Variants in WWTR1 observed in about 807,000 individuals in gnomAD.
WWTR1 encodes the protein WW domain containing transcription regulator 1.
WWTR1 carries 13 observed loss-of-function variants against 40.1 expected under a neutral mutation model. The ratio of observed to expected loss-of-function variants is 0.32; its 90% CI spans 0.21 to 0.52. The LOEUF is 0.52. Among genes scored for constraint, WWTR1 ranks in the 20% least tolerant of loss-of-function variants. WWTR1 has a pLI of 0.97. For synonymous variants in WWTR1, 230 were observed against 210.1 expected (o/e 1.09, Z -0.82); for missense variants, 436 against 523.1 (o/e 0.83, Z 1.63).
chr3:149,651,265 C>G (rs1712847051), intron 2 of WWTR1, among the ~76,000 whole-genome samples: 1 of 152,134 alleles, frequency 6.6e-6, no homozygotes, highest in Non-Finnish European at 1.5e-5. Context: ...GAAAAACTTA[C>G]CTCCTACAAA....
In WWTR1 at chr3:149,614,720, C is replaced by T. The variant is rs147517627; in HGVS notation, c.432-41720G>A. On this transcript the variant is annotated intron_variant, in intron 2 of 6. Coordinates refer to ENST00000360632, the MANE Select transcript of WWTR1 (RefSeq NM_015472.6). ...AGCTTAGGGTGAGCATGGTGGCTCA[C>T]GCCTGTAATCCCAGTACTTTGGGAA... Among the ~76,000 whole-genome samples, 240 of 152,268 alleles carry T rather than the reference C, an allele frequency of 1.6e-3. 1 individual carries two copies. Among genetic ancestry groups the T allele is most frequent in the African/African-American group, 5.0e-3 (206 of 41,552 alleles).
intron 2 of WWTR1, among the ~76,000 whole-genome samples, chr3:149,643,094 A>G (rs1448043283): frequency 6.6e-6 from 1 of 152,232 alleles, no homozygotes; most frequent in Non-Finnish European, 1.5e-5. Context: ...AGCCAAACTC[A>G]AACCAGTTTG....
At chr3:149,526,895 A>T (rs1032252770) in intron 5 of WWTR1, among the ~76,000 whole-genome samples, 3 of 152,234 alleles carry the variant, frequency 2.0e-5, no homozygotes, top group African/African-American at 7.2e-5. Context: ...TCATGAAGAT[A>T]TTTCTGGCTA....
chr3:149,630,350 G>C (rs1215873453), intron 2 of WWTR1, among the ~76,000 whole-genome samples: 1 of 152,134 alleles, frequency 6.6e-6, no homozygotes, highest in African/African-American at 2.4e-5. Context: ...GCAATGAATA[G>C]GTAGGGATGA....
intron 3 of WWTR1, among the ~76,000 whole-genome samples, 166 bp from the exon 4 acceptor site, chr3:149,542,703 T>G (rs1736171815): frequency 6.6e-6 from 1 of 152,212 alleles, no homozygotes; most frequent in African/African-American, 2.4e-5. Flanking sequence ...TTAATTCAAT[T>G]CACGGAGGCT....
intron 2 of WWTR1, among the ~76,000 whole-genome samples, chr3:149,668,621 A>ACAG (rs1713939394): frequency 3.3e-5 from 5 of 151,944 alleles, no homozygotes; most frequent in African/African-American, 1.2e-4. Context: ...AAAAACAACA[A>ACAG]AAAACTGAGT....
intron 2 of WWTR1, among the ~76,000 whole-genome samples, chr3:149,580,077 G>T (rs1032137059): frequency 5.9e-5 from 9 of 152,212 alleles, no homozygotes; most frequent in African/African-American, 2.2e-4. Flanking sequence ...ACTGGAATTA[G>T]AATACAAGTA....
At chr3:149,604,699 A>G (rs1005439016) in intron 2 of WWTR1, among the ~76,000 whole-genome samples, 1 of 152,196 alleles carries the variant, frequency 6.6e-6, no homozygotes, top group African/African-American at 2.4e-5. Flanking sequence ...AGGCCAGCCC[A>G]AGGCTGCTGG....
At chr3:149,537,709 T>C (rs180843654) in intron 4 of WWTR1, among the ~76,000 whole-genome samples, 32 of 152,202 alleles carry the variant, frequency 2.1e-4, no homozygotes, top group Non-Finnish European at 4.4e-5. Flanking sequence ...GCCCCACAAT[T>C]CCTCAGTGCT....
At chr3:149,607,948 G>C (rs1442000569) in intron 2 of WWTR1, among the ~76,000 whole-genome samples, 1 of 152,180 alleles carries the variant, frequency 6.6e-6, no homozygotes, top group Non-Finnish European at 1.5e-5. Context: ...ATCTTCAACA[G>C]GAGATTCCAT....
intron 1 of WWTR1, among the ~76,000 whole-genome samples, chr3:149,695,288 A>T (rs1484204273): frequency 6.6e-6 from 1 of 152,170 alleles, no homozygotes; most frequent in East Asian, 1.9e-4. Flanking sequence ...TTTATTGTAC[A>T]TTTTAAAATA....
intron 1 of WWTR1, among the ~76,000 whole-genome samples, chr3:149,685,237 C>T (rs6807780): frequency 0.33 from 50,212 of 152,026 alleles, 9,279 homozygotes; most frequent in Middle Eastern, 0.53. Context: ...GTCTCTCTCC[C>T]GAGAGTTTGG....
intron 1 of WWTR1, among the ~76,000 whole-genome samples, chr3:149,699,506 TG>T (rs1196497780): frequency 6.6e-6 from 1 of 152,148 alleles, no homozygotes; most frequent in Non-Finnish European, 1.5e-5. Context: ...TTGGTCAGGC[TG>T]GTCTTGAACT....
chr3:149,613,895 G>A (rs1047255443), intron 2 of WWTR1, among the ~76,000 whole-genome samples: 2 of 150,256 alleles, frequency 1.3e-5, no homozygotes, highest in African/African-American at 4.9e-5. Flanking sequence ...CATGGTGAAA[G>A]AAAATCCACA....
At chr3:149,587,595 A>G (rs767208977) in intron 2 of WWTR1, among the ~76,000 whole-genome samples, 1 of 152,236 alleles carries the variant, frequency 6.6e-6, no homozygotes, top group Non-Finnish European at 1.5e-5. Context: ...TTTTCAAAAC[A>G]GGAGAGAGCT....
At chr3:149,655,985 C>A (rs953160896) in intron 2 of WWTR1, among the ~76,000 whole-genome samples, 2 of 152,164 alleles carry the variant, frequency 1.3e-5, no homozygotes, top group African/African-American at 4.8e-5. Context: ...GCTGGCACAA[C>A]CTCCATCTTT....
At chr3:149,570,367 G>A (rs940981158) in intron 3 of WWTR1, among the ~76,000 whole-genome samples, 3 of 151,998 alleles carry the variant, frequency 2.0e-5, no homozygotes, top group Non-Finnish European at 2.9e-5. Context: ...TCAGGAGTTC[G>A]GGACCAACTT....
chr3:149,712,117 G>A (rs1274757223), intron 5 of WWTR1, among the ~76,000 whole-genome samples: 1 of 152,150 alleles, frequency 6.6e-6, no homozygotes, highest in Non-Finnish European at 1.5e-5. Flanking sequence ...GTGAAGAAAG[G>A]CAAAATTTTA....
At chr3:149,613,969 A>C (rs1739853467) in intron 2 of WWTR1, among the ~76,000 whole-genome samples, 1 of 152,222 alleles carries the variant, frequency 6.6e-6, no homozygotes, top group South Asian at 2.1e-4. Context: ...AGAAAGATGA[A>C]TGGAAAAAAG....
Sources: allele counts gnomAD v4.1 joint callset (sites outside exome capture counted in the v4.1 genomes callset), GRCh38; gene constraint gnomAD v4.1.1; transcripts MANE v1.5; gene names NCBI Gene and HGNC (gene_info 2026-07-23, HGNC 2026-07-21).